Variants in KLRD1 observed in about 807,000 individuals in gnomAD.
KLRD1 encodes killer cell lectin like receptor D1, also known as natural killer cells antigen CD94.
KLRD1 carries 21 observed loss-of-function variants against 22.6 expected under a neutral mutation model. The ratio of observed to expected loss-of-function variants is 0.93; its 90% CI spans 0.66 to 1.34. The LOEUF (loss-of-function observed/expected upper bound fraction) is 1.34, where lower values mean the gene tolerates loss of function less well. KLRD1 is among the 40% of genes most tolerant of loss of function. KLRD1 has a pLI of 0.00. For missense variants in KLRD1, 183 were observed against 208.6 expected (o/e 0.88, Z 0.76); for synonymous variants, 59 against 71.1 (o/e 0.83, Z 0.85).
chr12:10,292,471 T>C (rs1949779216), intron 1 of KLRD1, among the ~76,000 whole-genome samples: 1 of 152,182 alleles, frequency 6.6e-6, no homozygotes, highest in African/African-American at 2.4e-5. Context: ...TGACATGAAT[T>C]TCTTTGTACG....
At chr12:10,298,702 G>A (rs1208356078) in intron 1 of KLRD1, among the ~76,000 whole-genome samples, 1 of 152,234 alleles carries the variant, frequency 6.6e-6, no homozygotes, top group Non-Finnish European at 1.5e-5. Context: ...TGTGCCTTAA[G>A]AACATGTTCC....
chr12:10,299,309 T>C (rs527892112), intron 1 of KLRD1, among the ~76,000 whole-genome samples: 3 of 152,162 alleles, frequency 2.0e-5, no homozygotes, highest in Non-Finnish European at 4.4e-5. Flanking sequence ...GCTATCTCTT[T>C]TAAAGGAAAT....
At chr12:10,291,135 T>C (rs958039425) in intron 1 of KLRD1, among the ~76,000 whole-genome samples, 3 of 152,184 alleles carry the variant, frequency 2.0e-5, no homozygotes, top group African/African-American at 4.8e-5. Context: ...ACAATGTACA[T>C]ACCTTGATTA....
At chr12:10,254,069 C>T (rs1949369346) in intron 1 of KLRD1, among the ~76,000 whole-genome samples, 2 of 152,034 alleles carry the variant, frequency 1.3e-5, no homozygotes, top group African/African-American at 4.8e-5. Context: ...AAAGCAATCG[C>T]AACAAAAGCA....
upstream of KLRD1, among the ~76,000 whole-genome samples, chr12:10,303,946 T>C (rs1256112200): frequency 2.6e-5 from 4 of 152,284 alleles, no homozygotes; most frequent in African/African-American, 9.6e-5. Flanking sequence ...CAATGATAAC[T>C]TGGGCTATAA....
chr12:10,278,054 T>C (rs1255533908), intron 1 of KLRD1, among the ~76,000 whole-genome samples: 1 of 152,260 alleles, frequency 6.6e-6, no homozygotes, highest in Non-Finnish European at 1.5e-5. Flanking sequence ...CTGTTTCTTA[T>C]GCAGAGGCTT....
At chr12:10,281,521 A>G (rs1949642653) in intron 1 of KLRD1, among the ~76,000 whole-genome samples, 1 of 152,146 alleles carries the variant, frequency 6.6e-6, no homozygotes, top group Non-Finnish European at 1.5e-5. Flanking sequence ...ACAACACACA[A>G]GTGCAGGTTC....
rs905577999 is a variant in KLRD1, at chr12:10,253,297, C to T, written c.-101+27064C>T. 3.3e-5 allele frequency among the ~76,000 whole-genome samples: 5 copies of T among 152,120 alleles called. 1 individual carries two copies. The highest frequency in any genetic ancestry group is 7.2e-5 in the African/African-American group (3 of 41,388). On this transcript the variant is annotated intron_variant, in intron 1 of 5. Transcript: ENST00000544747. ...TACGTTGGGCCCCTTGCAGCTGTCC[C>T]GCAGGTCACTGATACTCCGTTCATA...
At chr12:10,239,457 C>CTTTCCTTATT (rs1565443128) in intron 1 of KLRD1, among the ~76,000 whole-genome samples, 1 of 112,428 alleles carries the variant, frequency 8.9e-6, no homozygotes, top group East Asian at 4.6e-4. Context: ...TTCCTTCCTT[C>CTTTCCTTATT]CTTCCTTCCT....
intron 1 of KLRD1, among the ~76,000 whole-genome samples, chr12:10,245,492 G>A (rs1484849561): frequency 6.6e-6 from 1 of 152,198 alleles, no homozygotes; most frequent in Admixed American, 6.5e-5. Context: ...AAGACAGTAT[G>A]TGAATACATG....
At chr12:10,299,975 G>A (rs919979292), upstream of KLRD1, among the ~76,000 whole-genome samples, 4 of 152,170 alleles carry the variant, frequency 2.6e-5, no homozygotes, top group South Asian at 2.1e-4. Context: ...CTGCAATTCC[G>A]CCACGACTTC....
chr12:10,272,056 A>G (rs1712517670), intron 1 of KLRD1, among the ~76,000 whole-genome samples: 2 of 152,210 alleles, frequency 1.3e-5, no homozygotes, highest in African/African-American at 4.8e-5. Flanking sequence ...TTGTAAGAAT[A>G]TAATGGGCAT....
At chr12:10,241,871 T>C (rs1949244456) in intron 1 of KLRD1, among the ~76,000 whole-genome samples, 1 of 152,152 alleles carries the variant, frequency 6.6e-6, no homozygotes, top group African/African-American at 2.4e-5. Context: ...GATGTTCTCT[T>C]AACCCGTCAG....
chr12:10,240,033 A>G (rs144837618), intron 1 of KLRD1, among the ~76,000 whole-genome samples: 5 of 151,728 alleles, frequency 3.3e-5, no homozygotes, highest in South Asian at 2.1e-4. Context: ...GGGATTGTCA[A>G]GGTGTTCCGG....
intron 1 of KLRD1, among the ~76,000 whole-genome samples, chr12:10,290,373 G>A (rs1949756274): frequency 6.6e-6 from 1 of 152,176 alleles, no homozygotes; most frequent in Admixed American, 6.5e-5. Flanking sequence ...CCAATAGGAA[G>A]CTGGCTATTT....
chr12:10,301,624 G>A (rs952495436), upstream of KLRD1, among the ~76,000 whole-genome samples: 6 of 152,186 alleles, frequency 3.9e-5, no homozygotes, highest in African/African-American at 1.2e-4. Context: ...GCTGCTGCAC[G>A]GTGGGCATAG....
intron 1 of KLRD1, among the ~76,000 whole-genome samples, chr12:10,275,798 C>G (rs1565456298): frequency 6.6e-6 from 1 of 151,874 alleles, no homozygotes; most frequent in Non-Finnish European, 1.5e-5. Context: ...ATATTTTTCC[C>G]TCTGAAATAT....
In KLRD1 at chr12:10,329,186, C is replaced by T. The variant is rs926639497; in HGVS notation, c.*14393C>T. On this transcript the variant is annotated 3_prime_UTR_variant, in exon 6 of 6. Coordinates refer to ENST00000336164, the MANE Select transcript of KLRD1 (RefSeq NM_002262.5). ...CTTTTAGCCCTACTTTTACTACATC[C>T]CATAAGTTTTGTTAGACTTTATTTT... 6.6e-6 allele frequency: 1 copy of T among 152,254 alleles called. No homozygotes were observed. Among genetic ancestry groups the T allele is most frequent in the East Asian group, 1.9e-4 (1 of 5,190 alleles). The allele number at this position is 152,254 out of a possible 1,614,324, so 9.4% of individuals were successfully genotyped here.
chr12:10,314,593 T>C, intron 5 of KLRD1, 80 bp from the exon 6 acceptor site: 1 of 1,324,930 alleles, frequency 7.5e-7, no homozygotes, highest in South Asian at 1.6e-5. Context: ...GCTTTTAAAA[T>C]TTATATCATT....
Sources: allele counts gnomAD v4.1 joint callset (sites outside exome capture counted in the v4.1 genomes callset), GRCh38; gene constraint gnomAD v4.1.1; transcripts MANE v1.5; gene names NCBI Gene and HGNC (gene_info 2026-07-23, HGNC 2026-07-21).